ATP9A: variants seen among roughly 807,000 people sequenced by gnomAD.
The protein encoded by ATP9A is ATPase phospholipid transporting 9A.
A neutral mutation model predicts 144.1 loss-of-function variants in ATP9A; 52 were observed. The observed-to-expected ratio is 0.36, with a 90% CI of 0.29 to 0.45. The LOEUF is 0.45. Ranked by LOEUF, ATP9A falls within the 20% of genes least tolerant of loss-of-function variation. The pLI is 1.00. For synonymous variants in ATP9A, 582 were observed against 557.4 expected (o/e 1.04, Z -0.62); for missense variants, 947 against 1,392.7 (o/e 0.68, Z 5.09).
In ATP9A at chr20:51,618,653, C is replaced by G. The variant is rs754676236; in HGVS notation, c.2350+9G>C. 1.9e-6 allele frequency: 3 copies of G among 1,608,534 alleles called. No homozygotes were observed. In the Admixed American group the frequency reaches 5.0e-5, roughly 27 times the overall value. On this transcript the variant is annotated intron_variant, in intron 21 of 27. Transcript: ENST00000338821. ...CCAGGGCCAGCAGCACAGCCTGAGC[C>G]TCGCCTACCTACTGCACAGGTGAGC...
At chr20:51,744,322 C>G (rs966579555) in intron 1 of ATP9A, among the ~76,000 whole-genome samples, 4 of 152,022 alleles carry the variant, frequency 2.6e-5, no homozygotes, top group Non-Finnish European at 5.9e-5. Context: ...TGCACCACCA[C>G]AGCCGGCTAA....
At position 51,768,376 on chromosome 20, in the gene ATP9A, G is replaced by GGCGCCGCCCGCCTTGGCCGCC. The variant is rs1045223182; in HGVS notation, c.-8_-7insGGCGGCCAAGGCGGGCGGCGC. 23 of 1,193,820 alleles carry GGCGCCGCCCGCCTTGGCCGCC rather than the reference G, an allele frequency of 1.9e-5. No individual in the cohort carries two copies. The East Asian group carries it at 5.9e-4, about 31-fold the overall frequency. The allele number at this position is 1,193,820 out of a possible 1,614,324, so 74.0% of individuals were successfully genotyped here. ...GCGGGATGTTGTCCGTCATGTCGGC[G>GGCGCCGCCCGCCTTGGCCGCC]GCGCCGCCCGCCTTGGCCGCCGCGC... is the stretch of plus-strand genomic sequence containing the variant. On this transcript the variant is annotated 5_prime_UTR_variant, in exon 1 of 28. Transcript: ENST00000338821.
rs144398112 is a variant in ATP9A at position 51,607,456 on chromosome 20, A to G, written c.2803+71T>C. On this transcript the variant is annotated intron_variant, in intron 26 of 27. Transcript: ENST00000338821. The stretch of plus-strand genomic sequence containing the variant: ...GATTCGTTTCTTCTCTTCTTGTTCT[A>G]CAGGCAAGAAGGGGACACCCTGAGT... The G allele has an allele frequency of 2.5e-4, 340 of 1,358,260 alleles. No individual in the cohort carries two copies. The African/African-American group carries it at 4.6e-3, about 18-fold the overall frequency. 84.1% of individuals were successfully genotyped at this position (1,358,260 alleles called of 1,614,324 possible).
intron 22 of ATP9A, 91 bp from the exon 23 acceptor site, chr20:51,613,923 A>G (rs2235863): frequency 0.52 from 674,765 of 1,299,808 alleles, 182,857 homozygotes; most frequent in African/African-American, 0.91. Context: ...CATTGTAGGA[A>G]ATCTTTGAAG....
chr20:51,748,907 TTAGA>T (rs34474584), intron 1 of ATP9A, among the ~76,000 whole-genome samples: 3,104 of 143,170 alleles, frequency 0.022, 46 homozygotes, highest in African/African-American at 0.028. Context: ...CCTCTAAAGA[TTAGA>T]TAGATAGATA....
At chr20:51,700,438 C>T (rs1482185422) in intron 4 of ATP9A, among the ~76,000 whole-genome samples, 1 of 152,172 alleles carries the variant, frequency 6.6e-6, no homozygotes, top group Non-Finnish European at 1.5e-5. Flanking sequence ...GGGAGGAATG[C>T]TTGAGCCCAG....
chr20:51,717,169 CAAAAAAAA>C (rs10577089), intron 3 of ATP9A, among the ~76,000 whole-genome samples: 4 of 101,504 alleles, frequency 3.9e-5, no homozygotes, highest in Non-Finnish European at 7.8e-5. Flanking sequence ...AAGACTGCCT[CAAAAAAAA>C]AAAAAAAAAA....
At chr20:51,650,773 C>T (rs2077360672) in intron 14 of ATP9A, among the ~76,000 whole-genome samples, 1 of 152,020 alleles carries the variant, frequency 6.6e-6, no homozygotes, top group African/African-American at 2.4e-5. Flanking sequence ...ACTGCTGATT[C>T]ATTGCTCTGG....
intron 11 of ATP9A, among the ~76,000 whole-genome samples, chr20:51,672,121 C>T (rs548088961): frequency 6.6e-6 from 1 of 152,132 alleles, no homozygotes; most frequent in South Asian, 2.1e-4. Flanking sequence ...ACCTTAGACA[C>T]TGCATGTAAG....
intron 1 of ATP9A, among the ~76,000 whole-genome samples, chr20:51,767,796 C>T (rs1326222723): frequency 2.0e-5 from 3 of 152,180 alleles, no homozygotes; most frequent in Non-Finnish European, 2.9e-5. Context: ...GGCGCAGCCT[C>T]CTGGGGCTGG....
chr20:51,716,768 T>C (rs1022637531), intron 3 of ATP9A, among the ~76,000 whole-genome samples: 2 of 152,248 alleles, frequency 1.3e-5, no homozygotes, highest in Admixed American at 6.5e-5. Context: ...GAAGCATTTT[T>C]ACTTGCAGTA....
intron 11 of ATP9A, among the ~76,000 whole-genome samples, 167 bp from the exon 12 acceptor site, chr20:51,671,424 C>T (rs1022148376): frequency 2.0e-5 from 3 of 152,136 alleles, no homozygotes; most frequent in Non-Finnish European, 2.9e-5. Flanking sequence ...CCAGCACCAC[C>T]GTCAAGTCAC....
intron 1 of ATP9A, among the ~76,000 whole-genome samples, chr20:51,743,922 G>A (rs867518548): frequency 8.6e-5 from 13 of 150,984 alleles, no homozygotes; most frequent in Admixed American, 1.3e-4. Context: ...CAGGAGAATC[G>A]CTTGAACCCT....
At chr20:51,730,725 G>C (rs1224408006) in intron 1 of ATP9A, among the ~76,000 whole-genome samples, 1 of 152,190 alleles carries the variant, frequency 6.6e-6, no homozygotes, top group Non-Finnish European at 1.5e-5. Context: ...GGCAGTGGTA[G>C]CACAATGGTA....
intron 4 of ATP9A, among the ~76,000 whole-genome samples, chr20:51,711,954 C>G (rs191756120): frequency 6.7e-6 from 1 of 148,664 alleles, no homozygotes; most frequent in African/African-American, 2.5e-5. Context: ...CTCCTAGGTT[C>G]AAGTGAGTCT....
chr20:51,761,577 C>CA (rs2077880699), intron 1 of ATP9A, among the ~76,000 whole-genome samples: 2 of 151,964 alleles, frequency 1.3e-5, no homozygotes, highest in African/African-American at 2.4e-5. Context: ...CTGGCTAACA[C>CA]GGTGAAACCC....
chr20:51,670,675 C>T (rs986447495), intron 12 of ATP9A, among the ~76,000 whole-genome samples: 2 of 152,186 alleles, frequency 1.3e-5, no homozygotes, highest in Non-Finnish European at 2.9e-5. Context: ...CCCTCCCAAT[C>T]CTTGCTCTTC....
intron 1 of ATP9A, among the ~76,000 whole-genome samples, chr20:51,759,835 T>C (rs936015827): frequency 2.6e-5 from 4 of 152,206 alleles, no homozygotes; most frequent in Non-Finnish European, 4.4e-5. Context: ...TTATAATTTC[T>C]GTATTTGCAA....
At chr20:51,623,582 A>C (rs1401903426) in intron 18 of ATP9A, among the ~76,000 whole-genome samples, 1 of 152,148 alleles carries the variant, frequency 6.6e-6, no homozygotes, top group East Asian at 1.9e-4. Flanking sequence ...GGAGTTCGAG[A>C]CCAGCCTGAC....
Sources: gnomAD v4.1 joint callset for allele counts (sites outside exome capture counted in the v4.1 genomes callset) on GRCh38, gnomAD v4.1.1 for gene constraint, MANE v1.5 for transcripts, NCBI Gene and HGNC (gene_info 2026-07-23, HGNC 2026-07-21) for gene names.